The following HECW1 variants were observed in gnomAD, a reference collection of about 807,000 sequenced individuals.
HECW1 encodes HECT, C2 and WW domain containing E3 ubiquitin protein ligase 1.
Under a neutral mutation model 182.3 loss-of-function variants are expected in HECW1, and 61 were observed. That is an observed-to-expected ratio of 0.33 (90% CI 0.27 to 0.41). The LOEUF (loss-of-function observed/expected upper bound fraction) is 0.41. Ranked by LOEUF, HECW1 falls within the 10% of genes least tolerant of loss-of-function variation. The pLI is 1.00. For missense variants in HECW1, 1,739 were observed against 2,108.9 expected, an observed-to-expected ratio of 0.82 and a Z score of 3.44; for synonymous variants, 859 against 832.6, an observed-to-expected ratio of 1.03 and a Z score of -0.55.
intron 2 of HECW1, among the ~76,000 whole-genome samples, chr7:43,131,670 C>A (rs1402994199): frequency 2.0e-5 from 3 of 152,130 alleles, no homozygotes; most frequent in Admixed American, 6.5e-5. Context: ...GTATTCCAAC[C>A]CTCTATGAAG....
At chr7:43,239,590 C>T (rs527947452) in intron 2 of HECW1, among the ~76,000 whole-genome samples, 1 of 152,202 alleles carries the variant, frequency 6.6e-6, no homozygotes, top group Admixed American at 6.5e-5. Flanking sequence ...AGCTTGGCAC[C>T]TCCTGCTGGA....
intron 17 of HECW1, among the ~76,000 whole-genome samples, chr7:43,488,484 G>GAAAGAAAGA (rs2078798413): frequency 6.8e-6 from 1 of 147,072 alleles, no homozygotes; most frequent in African/African-American, 2.6e-5. Context: ...AAGAAAGAAA[G>GAAAGAAAGA]AAAGAGAAAG....
At position 43,381,925 on chromosome 7, in the gene HECW1, G is replaced by A. The variant is rs2074569360; in HGVS notation, c.556-14889G>A. ...GCAGTCCTCCTGCCTTGGCCTCCCA[G>A]AGTGCTCTGATTACAGGTGTGAGTC... On this transcript the variant is annotated intron_variant, in intron 6 of 29. Transcript: ENST00000395891. Among the ~76,000 whole-genome samples the A allele has an allele frequency of 2.0e-5, 3 of 151,996 alleles. 1 individual carries two copies. In the South Asian group the frequency reaches 6.2e-4, roughly 32 times the overall value.
chr7:43,223,739 G>C (rs1251402738), intron 2 of HECW1, among the ~76,000 whole-genome samples: 1 of 152,136 alleles, frequency 6.6e-6, no homozygotes, highest in African/African-American at 2.4e-5. Context: ...CACCTAATGT[G>C]CTCTCTCCTT....
At chr7:43,459,785 G>A (rs576995795) in intron 13 of HECW1, among the ~76,000 whole-genome samples, 2 of 152,228 alleles carry the variant, frequency 1.3e-5, no homozygotes, top group Admixed American at 1.3e-4. Flanking sequence ...TCATCCCCCC[G>A]TCTTGGCCTC....
chr7:43,311,630 T>C (rs1480544195), intron 3 of HECW1, 133 bp from the exon 4 acceptor site: 8 of 839,518 alleles, frequency 9.5e-6, no homozygotes, highest in Non-Finnish European at 1.4e-5. Flanking sequence ...CTCTATGCCA[T>C]GTTTCATATC....
intron 24 of HECW1, among the ~76,000 whole-genome samples, chr7:43,521,670 G>A (rs1443348528): frequency 6.6e-6 from 1 of 152,170 alleles, no homozygotes; most frequent in Non-Finnish European, 1.5e-5. Flanking sequence ...GAAGTCAGGA[G>A]TTCAAGACCA....
At chr7:43,547,914 T>C (rs143274027) in intron 26 of HECW1, among the ~76,000 whole-genome samples, 80 of 152,370 alleles carry the variant, frequency 5.3e-4, no homozygotes, top group African/African-American at 1.8e-3. Context: ...AAAGATCACT[T>C]TTTACTGTGA....
chr7:43,341,679 G>C (rs1303279111), intron 5 of HECW1, among the ~76,000 whole-genome samples: 1 of 151,594 alleles, frequency 6.6e-6, no homozygotes, highest in Non-Finnish European at 1.5e-5. Flanking sequence ...GACTTTTCCA[G>C]TTATTTTAAA....
chr7:43,425,088 C>T (rs2076313752), intron 8 of HECW1, among the ~76,000 whole-genome samples: 1 of 152,086 alleles, frequency 6.6e-6, no homozygotes, highest in Admixed American at 6.6e-5. Flanking sequence ...TATTATGCAG[C>T]CTGCCGGTAA....
chr7:43,516,696 G>A (rs1005558095), intron 24 of HECW1, among the ~76,000 whole-genome samples: 2 of 152,134 alleles, frequency 1.3e-5, no homozygotes, highest in African/African-American at 2.4e-5. Flanking sequence ...GTCAGTTAAC[G>A]ACAGGGATAC....
intron 5 of HECW1, among the ~76,000 whole-genome samples, chr7:43,353,218 A>C (rs1011782309): frequency 2.0e-5 from 3 of 152,230 alleles, no homozygotes; most frequent in Non-Finnish European, 4.4e-5. Context: ...TTTGTAGCCC[A>C]CCCCTAAATA....
At chr7:43,159,193 T>A (rs1790225662) in intron 2 of HECW1, among the ~76,000 whole-genome samples, 1 of 148,004 alleles carries the variant, frequency 6.8e-6, no homozygotes, top group Non-Finnish European at 1.5e-5. Flanking sequence ...TCTTTTTTTT[T>A]ATTATTATAC....
At chr7:43,122,262 G>A (rs754985570) in intron 2 of HECW1, among the ~76,000 whole-genome samples, 64 of 152,210 alleles carry the variant, frequency 4.2e-4, no homozygotes, top group Non-Finnish European at 4.3e-4. Context: ...CGTGAATCCT[G>A]TCTTTCTCCT....
chr7:43,293,598 T>G (rs958948478), intron 3 of HECW1, among the ~76,000 whole-genome samples: 3 of 152,228 alleles, frequency 2.0e-5, no homozygotes, highest in Non-Finnish European at 4.4e-5. Context: ...CTCAGATACG[T>G]GTATCAAATA....
intron 3 of HECW1, among the ~76,000 whole-genome samples, chr7:43,279,758 G>A (rs1584304124): frequency 1.3e-5 from 2 of 152,212 alleles, no homozygotes; most frequent in Admixed American, 6.5e-5. Flanking sequence ...ATAGTAATTT[G>A]TAAGTATATT....
At chr7:43,322,795 A>G (rs1237632375) in intron 5 of HECW1, among the ~76,000 whole-genome samples, 3 of 152,194 alleles carry the variant, frequency 2.0e-5, no homozygotes, top group Non-Finnish European at 2.9e-5. Flanking sequence ...CCTACAATGG[A>G]AGTTTGGTAA....
chr7:43,375,651 G>A (rs2074291881), intron 6 of HECW1, among the ~76,000 whole-genome samples: 1 of 152,082 alleles, frequency 6.6e-6, no homozygotes, highest in Non-Finnish European at 1.5e-5. Context: ...CCAGCAGTTT[G>A]GGAGGCTGAA....
intron 29 of HECW1, 146 bp from the exon 30 acceptor site, chr7:43,561,669 T>C: frequency 1.7e-6 from 1 of 597,340 alleles, no homozygotes; most frequent in African/African-American, 1.9e-5. Context: ...TGTGGCTCTT[T>C]AGTGTGCAAT....
Sources: allele counts gnomAD v4.1 joint callset (sites outside exome capture counted in the v4.1 genomes callset), GRCh38; gene constraint gnomAD v4.1.1; transcripts MANE v1.5; gene names NCBI Gene and HGNC (gene_info 2026-07-23, HGNC 2026-07-21).